Variants in PADI6 observed in about 807,000 individuals in gnomAD.
PADI6 encodes the protein peptidyl arginine deiminase 6.
In PADI6, 66 loss-of-function variants were observed where a neutral mutation model predicts 78.2. The ratio of observed to expected loss-of-function variants is 0.84; its 90% confidence interval spans 0.69 to 1.04. The LOEUF is 1.04. Ranked by LOEUF, PADI6 falls within the 50% of genes least tolerant of loss-of-function variation. The pLI is 0.00. For synonymous variants in PADI6, 397 were observed against 346.9 expected (o/e 1.14, Z -1.60); for missense variants, 854 against 866.1 (o/e 0.99, Z 0.18).
intron 6 of PADI6, among the ~76,000 whole-genome samples, chr1:17,382,505 G>A (rs1009759232): frequency 6.6e-6 from 1 of 152,190 alleles, no homozygotes; most frequent in Non-Finnish European, 1.5e-5. Flanking sequence ...AGAAATCTGA[G>A]GCCAAAACCT....
At chr1:17,392,484 C>A (rs907403006) in intron 9 of PADI6, among the ~76,000 whole-genome samples, 2 of 152,184 alleles carry the variant, frequency 1.3e-5, no homozygotes, top group Admixed American at 1.3e-4. Flanking sequence ...AACCCCCAGG[C>A]CCCGGAAGGC....
At chr1:17,375,913 G>A (rs970221760) in intron 3 of PADI6, among the ~76,000 whole-genome samples, 5 of 151,882 alleles carry the variant, frequency 3.3e-5, no homozygotes, top group East Asian at 1.9e-4. Context: ...GTAAGAAGCC[G>A]CCACCCTTCC....
chr1:17,383,365 G>C (rs1221351940), intron 6 of PADI6, among the ~76,000 whole-genome samples: 1 of 152,206 alleles, frequency 6.6e-6, no homozygotes, highest in South Asian at 2.1e-4. Context: ...GAGCTAGAGT[G>C]AGCCGAAGAA....
chr1:17,373,785 C>A (rs1273326203), intron 2 of PADI6, among the ~76,000 whole-genome samples: 1 of 152,196 alleles, frequency 6.6e-6, no homozygotes, highest in Non-Finnish European at 1.5e-5. Flanking sequence ...AGCCACCACA[C>A]CTGGCCTACC....
At chr1:17,396,189 C>T (rs2075245812) in intron 13 of PADI6, among the ~76,000 whole-genome samples, 1 of 152,064 alleles carries the variant, frequency 6.6e-6, no homozygotes, top group African/African-American at 2.4e-5. Context: ...AGTTCGAGGC[C>T]AGCCTGGCCA....
chr1:17,373,007 C>T (rs1053192824), intron 1 of PADI6, 49 bp from the exon 2 acceptor site: 2 of 1,563,324 alleles, frequency 1.3e-6, no homozygotes, highest in Non-Finnish European at 1.7e-6. Context: ...ATCTCCTAGG[C>T]TGAGAAGGTG....
chr1:17,388,460 G>T lies in PADI6; in HGVS notation c.759G>T (p.Leu253Phe). 1 of 1,613,802 alleles carries T rather than the reference G, an allele frequency of 6.2e-7. No homozygotes were observed. Among genetic ancestry groups the T allele is most frequent in the Non-Finnish European group, 8.5e-7 (1 of 1,179,784 alleles). The change falls in exon 7 of 16, where the codon TTG becomes TTT. Residue 253 changes from leucine (L) to phenylalanine (F), a missense_variant. Physicochemically the swap from Leu to Phe is conservative, Grantham distance 22. Coordinates refer to ENST00000619609, the MANE Select transcript of PADI6 (RefSeq NM_207421.4). ...AYTLALLGNH[L>F]KETFYVEAIA... ...CCTTGGCCCTCCTCGGGAACCACTT[G>T]AAGGAGACTTTCTACGTTGAAGCTA...
chr1:17,379,404 G>A lies in PADI6; in HGVS notation c.368-516G>A, dbSNP rs142364890. Reference sequence around the variant, plus strand: ...GCTGGGATTACAGGCGTGAGCCATCGCGCCCGGCCGCCCAGTTAATTTTTG... The same window carrying A: ...GCTGGGATTACAGGCGTGAGCCATCACGCCCGGCCGCCCAGTTAATTTTTG... On this transcript the variant is annotated intron_variant, in intron 3 of 15. Transcript: ENST00000619609. Among the ~76,000 whole-genome samples the A allele has an allele frequency of 6.9e-3, 990 of 144,178 alleles. 70 individuals are homozygous for A. The highest frequency in any genetic ancestry group is 0.027 in the African/African-American group (912 of 34,080). The allele number at this position is 144,178 out of a possible 152,430, so 94.6% of individuals were successfully genotyped here.
At chr1:17,389,464 G>C (rs7519272) in intron 8 of PADI6, among the ~76,000 whole-genome samples, 2 of 152,288 alleles carry the variant, frequency 1.3e-5, no homozygotes, top group African/African-American at 4.8e-5. Flanking sequence ...TGGAGGCTGA[G>C]TGCACACATC....
intron 4 of PADI6, among the ~76,000 whole-genome samples, chr1:17,380,402 CTG>C (rs1299777866): frequency 6.6e-6 from 1 of 152,144 alleles, no homozygotes; most frequent in African/African-American, 2.4e-5. Context: ...GAGTCTCGCT[CTG>C]TTGCCCAGGC....
Position 17,395,062 on chromosome 1 carries a change from G to A in PADI6, c.1449G>A (p.Glu483=), listed in dbSNP as rs762788624. The A allele has an allele frequency of 6.2e-7, 1 of 1,614,058 alleles. No homozygotes were observed. The highest frequency in any genetic ancestry group is 1.1e-5 in the South Asian group (1 of 91,070). The change falls in exon 12 of 16, where the codon GAG becomes GAA. Residue 483 remains glutamate (E), a synonymous_variant. Transcript: ENST00000619609. ...SDWLMTGHVD[E]FMCFIPTDDK... is the part of the protein sequence containing the mutation. Reference sequence around the variant, plus strand: ...GGCTAATGACTGGCCACGTGGATGAGTTCATGTGCTTCATCCCCACAGATG... The same window carrying A: ...GGCTAATGACTGGCCACGTGGATGAATTCATGTGCTTCATCCCCACAGATG...
At chr1:17,400,692 T>A (rs1409502534) in intron 15 of PADI6, among the ~76,000 whole-genome samples, 2 of 152,198 alleles carry the variant, frequency 1.3e-5, no homozygotes, top group Admixed American at 1.3e-4. Context: ...TAAAATGAAC[T>A]GAGGCATTTG....
chr1:17,394,560 C>T (rs2075226590), intron 11 of PADI6, 106 bp downstream of exon 11: 4 of 1,234,310 alleles, frequency 3.2e-6, no homozygotes, highest in Admixed American at 2.7e-5. Context: ...CACACTGGAC[C>T]ATTTCTTAAA....
intron 9 of PADI6, among the ~76,000 whole-genome samples, chr1:17,393,285 A>G (rs1054603917): frequency 6.6e-6 from 1 of 152,234 alleles, no homozygotes; most frequent in Non-Finnish European, 1.5e-5. Context: ...AGAGACACTC[A>G]AAGCATGAAT....
chr1:17,394,535 C>A, intron 11 of PADI6, 81 bp downstream of exon 11: 1 of 1,448,680 alleles, frequency 6.9e-7, no homozygotes, highest in Non-Finnish European at 9.4e-7. Context: ...TCCCATAGCA[C>A]CTCAGCAGGT....
intron 9 of PADI6, among the ~76,000 whole-genome samples, chr1:17,393,641 CTT>C (rs976499955): frequency 1.3e-5 from 2 of 152,058 alleles, no homozygotes; most frequent in African/African-American, 4.8e-5. Flanking sequence ...GCCTGGCTAA[CTT>C]TTTGGTTTTG....
intron 3 of PADI6, 50 bp downstream of exon 3, chr1:17,375,549 T>G (rs2075007048): frequency 6.6e-7 from 1 of 1,510,414 alleles, no homozygotes; most frequent in Non-Finnish European, 9.0e-7. Flanking sequence ...CCGCTGGGGT[T>G]GGGGAAGGGG....
intron 11 of PADI6, among the ~76,000 whole-genome samples, chr1:17,394,711 T>G (rs1442254296): frequency 6.6e-6 from 1 of 152,228 alleles, no homozygotes; most frequent in Non-Finnish European, 1.5e-5. Flanking sequence ...GTGGTTGGAT[T>G]TCTTGGTGGC....
intron 2 of PADI6, among the ~76,000 whole-genome samples, chr1:17,375,219 T>C (rs755189454): frequency 3.9e-5 from 6 of 151,974 alleles, no homozygotes; most frequent in Non-Finnish European, 5.9e-5. Flanking sequence ...AAGGTTAGGG[T>C]TGGGGGTCAT....
Sources: allele counts gnomAD v4.1 joint callset (sites outside exome capture counted in the v4.1 genomes callset), GRCh38; gene constraint gnomAD v4.1.1; transcripts MANE v1.5; gene names NCBI Gene and HGNC (gene_info 2026-07-23, HGNC 2026-07-21).